Variants in ELK4 observed in about 807,000 individuals in gnomAD.
ELK4 encodes the protein ETS transcription factor ELK4.
In ELK4, 16 loss-of-function variants were observed where a neutral mutation model predicts 29.6. That is an observed-to-expected ratio of 0.54 (90% CI 0.37 to 0.82). The LOEUF is 0.82. ELK4 is among the 40% of genes least tolerant of loss of function. ELK4 has a pLI of 0.00. For synonymous variants in ELK4, 213 were observed against 191.1 expected (o/e 1.11, Z -0.95); for missense variants, 465 against 507.1 (o/e 0.92, Z 0.80).
rs182565072 is a variant in ELK4 at position 205,610,363 on chromosome 1, C to A, written c.*6183G>T. The A allele has an allele frequency of 1.0e-3, 237 of 231,198 alleles. 1 individual carries two copies. In the South Asian group the frequency reaches 0.031, roughly 30 times the overall value. The allele number at this position is 231,198 out of a possible 1,614,324, so 14.3% of individuals were successfully genotyped here. On this transcript the variant is annotated 3_prime_UTR_variant, in exon 5 of 5. Transcript: ENST00000357992. ...TACAGTTTAAAAGGATAAATTAGGC[C>A]ACAATACCAGCATTCCTCCACTACT...
At chr1:205,619,435 TAC>T in intron 3 of ELK4, 1 of 1,062,928 alleles carries the variant, frequency 9.4e-7, no homozygotes, top group Non-Finnish European at 1.1e-6. Flanking sequence ...TGAATTCAGG[TAC>T]AGAGGAATAA....
chr1:205,618,630 T>G (rs574292453), intron 4 of ELK4, among the ~76,000 whole-genome samples: 2 of 152,102 alleles, frequency 1.3e-5, no homozygotes, highest in African/African-American at 4.8e-5. Context: ...TGGAGACCAG[T>G]CTGGACAACA....
intron 2 of ELK4, among the ~76,000 whole-genome samples, chr1:205,622,312 G>C (rs75822494): frequency 0.024 from 3,656 of 152,252 alleles, 169 homozygotes; most frequent in African/African-American, 0.083. Context: ...AAGGTATAAG[G>C]TTTTAATTTG....
Position 205,631,724 on chromosome 1 carries a change from A to G in ELK4, c.-102T>C. 1 of 321,374 alleles carries G rather than the reference A, an allele frequency of 3.1e-6. No homozygotes were observed. The highest frequency in any genetic ancestry group is 6.5e-6 in the Non-Finnish European group (1 of 153,866). The allele number at this position is 321,374 out of a possible 1,614,324, so 19.9% of individuals were successfully genotyped here. A position where few individuals can be genotyped will look rare whatever the true frequency, so the allele number is the denominator to read the frequency against. The stretch of plus-strand genomic sequence containing the variant: ...TCCTCCTCACGCTGGAAACTCGAGG[A>G]CGGCGCGGCAGCCGCTGCGACCCCC... On this transcript the variant is annotated 5_prime_UTR_variant, in exon 1 of 5. Transcript: ENST00000357992.
Position 205,620,622 on chromosome 1 carries a change from T to C in ELK4, c.424A>G (p.Ile142Val), listed in dbSNP as rs768486073. Residue 142 changes from isoleucine (I) to valine (V), a missense_variant, in exon 3 of 5, where the codon ATA (isoleucine) becomes GTA (valine). Physicochemically the swap from Ile to Val is conservative, Grantham distance 29. This residue lies in a region of ELK4 where 385 missense variants were observed against 387.5 expected (regional missense o/e 0.99). Transcript: ENST00000357992. Reference sequence around the variant, plus strand: ...AATGAAGAATATAAGCCAGAGTGTATGTAGTCATTGCGGCTAGAGGTCTTG... The same window carrying C: ...AATGAAGAATATAAGCCAGAGTGTACGTAGTCATTGCGGCTAGAGGTCTTG... ...GAKTSSRNDY[I>V]HSGLYSSFTL... 10 of 1,614,030 alleles carry C rather than the reference T, an allele frequency of 6.2e-6. No homozygotes were observed. The highest frequency in any genetic ancestry group is 3.4e-6 in the Non-Finnish European group (4 of 1,180,032).
intron 3 of ELK4, chr1:205,619,627 T>C: frequency 7.6e-7 from 1 of 1,319,124 alleles, no homozygotes; most frequent in Non-Finnish European, 9.6e-7. Flanking sequence ...GTTTTCTAAC[T>C]TGAGATTATC....
rs193083840 is a variant in ELK4, at chr1:205,622,560, T to C, written c.207+1116A>G. ...GGTGTACACCACCGCGCCACACTGT[T>C]TTTTGTAGAGACGGGGTCTCCCTGT... On this transcript the variant is annotated intron_variant, in intron 2 of 4. Transcript: ENST00000357992. 1.4e-4 allele frequency among the ~76,000 whole-genome samples: 22 copies of C among 152,144 alleles called. 1 individual carries two copies. Among genetic ancestry groups the C allele is most frequent in the African/African-American group, 4.6e-4 (19 of 41,512 alleles).
intron 4 of ELK4, among the ~76,000 whole-genome samples, chr1:205,618,416 G>A (rs1670272338): frequency 6.6e-6 from 1 of 151,894 alleles, no homozygotes; most frequent in African/African-American, 2.4e-5. Context: ...AACAATTCTT[G>A]GTCTAACTCA....
At position 205,620,622 on chromosome 1, in the gene ELK4, T is replaced by A. The variant is rs768486073; in HGVS notation, c.424A>T (p.Ile142Leu). 6.2e-7 allele frequency: 1 copy of A among 1,614,148 alleles called. No homozygotes were observed. Among genetic ancestry groups the A allele is most frequent in the Non-Finnish European group, 8.5e-7 (1 of 1,180,024 alleles). ...GAKTSSRNDY[I>L]HSGLYSSFTL... Reference sequence around the variant, plus strand: ...AATGAAGAATATAAGCCAGAGTGTATGTAGTCATTGCGGCTAGAGGTCTTG... The same window carrying A: ...AATGAAGAATATAAGCCAGAGTGTAAGTAGTCATTGCGGCTAGAGGTCTTG... Residue 142 changes from isoleucine (I) to leucine (L), a missense_variant, in exon 3 of 5, where the codon ATA becomes TTA. Ile to Leu is a conservative substitution (Grantham distance 5). Transcript: ENST00000357992.
chr1:205,618,346 T>A lies in ELK4; in HGVS notation c.1197+611A>T, dbSNP rs562801382. 4.7e-3 allele frequency among the ~76,000 whole-genome samples: 717 copies of A among 152,104 alleles called. 9 individuals carry two copies. The highest frequency in any genetic ancestry group is 0.016 in the African/African-American group (678 of 41,488). ...CACTGCCTGGCCCATTTTTTTTTTT[T>A]AAATAGAGAATTTCTAGTGACAAAA... On this transcript the variant is annotated intron_variant, in intron 4 of 4. Transcript: ENST00000357992.
Position 205,610,398 on chromosome 1 carries a change from C to A in ELK4, c.*6148G>T, listed in dbSNP as rs1041728872. 4 of 230,822 alleles carry A rather than the reference C, an allele frequency of 1.7e-5. No individual in the cohort carries two copies. Among genetic ancestry groups the A allele is most frequent in the Non-Finnish European group, 2.6e-5 (3 of 116,644 alleles). 14.3% of individuals were successfully genotyped at this position (230,822 alleles called of 1,614,324 possible). On this transcript the variant is annotated 3_prime_UTR_variant, in exon 5 of 5. Coordinates refer to ENST00000357992, the MANE Select transcript of ELK4 (RefSeq NM_001973.4). ...GCATTCCTCCACTACTGTATTCAAT[C>A]CATGGTCGAATCTCTGTACTTTAGA...
At chr1:205,625,354 C>A in intron 1 of ELK4, 1 of 371,296 alleles carries the variant, frequency 2.7e-6, no homozygotes, top group Non-Finnish European at 5.1e-6. Context: ...TACAAATAGC[C>A]AATAAACACA....
At chr1:205,624,416 G>T (rs972395900) in intron 1 of ELK4, among the ~76,000 whole-genome samples, 1 of 152,118 alleles carries the variant, frequency 6.6e-6, no homozygotes, top group East Asian at 1.9e-4. Context: ...AGGGACTGAG[G>T]TGTAGGGAAT....
chr1:205,620,799 T>C lies in ELK4; in HGVS notation c.247A>G (p.Lys83Glu), dbSNP rs1403815176. ...AAAATCTCTGGATAAGAGACAAACTTGTACACAAACTTCTGACCATTCACT... is the reference window on the plus strand; with the variant it reads ...AAAATCTCTGGATAAGAGACAAACTCGTACACAAACTTCTGACCATTCACT... The part of the protein sequence containing the change: ...KKVNGQKFVY[K>E]FVSYPEILNM... The change falls in exon 3 of 5, where the codon AAG (lysine) becomes GAG (glutamate). Residue 83 changes from lysine to glutamate, a missense_variant. Coordinates refer to ENST00000357992, the MANE Select transcript of ELK4 (RefSeq NM_001973.4). 1 of 1,613,352 alleles carries C rather than the reference T, an allele frequency of 6.2e-7. No individual in the cohort carries two copies. The highest frequency in any genetic ancestry group is 8.5e-7 in the Non-Finnish European group (1 of 1,179,936).
In ELK4 at chr1:205,616,927, T is replaced by C. The variant is rs201784284; in HGVS notation, c.1198-283A>G. ...CTTCATATCCTAAGGTACACAGGTT[T>C]ACAATTAACCTCAAATGAAGGTTTT... On this transcript the variant is annotated intron_variant, in intron 4 of 4. Coordinates refer to ENST00000357992, the MANE Select transcript of ELK4 (RefSeq NM_001973.4). Among the ~76,000 whole-genome samples, 6 of 152,240 alleles carry C rather than the reference T, an allele frequency of 3.9e-5. 1 individual carries two copies. The East Asian group carries it at 9.6e-4, about 24-fold the overall frequency.
At chr1:205,625,400 T>G (rs1670433099) in intron 1 of ELK4, 2 of 510,426 alleles carry the variant, frequency 3.9e-6, no homozygotes, top group African/African-American at 1.9e-5. Context: ...ATCTGCCTAC[T>G]TGTCGCCACT....
chr1:205,620,479 G>A lies in ELK4; in HGVS notation c.567C>T (p.Ile189=). 6.2e-7 allele frequency: 1 copy of A among 1,614,216 alleles called. No homozygotes were observed. Among genetic ancestry groups the A allele is most frequent in the Non-Finnish European group, 8.5e-7 (1 of 1,180,042 alleles). ...TTTTGGAAGGTGTCGTGACAAATTTGATGACAGATGGTGTGGGCTCCTGAG... is the reference window on the plus strand; with the variant it reads ...TTTTGGAAGGTGTCGTGACAAATTTAATGACAGATGGTGTGGGCTCCTGAG... ...KSPQEPTPSV[I]KFVTTPSKKP... The change falls in exon 3 of 5, where the codon ATC becomes ATT. Residue 189 remains isoleucine, a synonymous_variant. Transcript: ENST00000357992.
At chr1:205,619,149 C>T (rs1171517028) in intron 3 of ELK4, 76 bp from the exon 4 acceptor site, 6 of 1,299,018 alleles carry the variant, frequency 4.6e-6, no homozygotes, top group Admixed American at 2.7e-5. Flanking sequence ...ACACAAATAA[C>T]CCAAACCTAA....
Position 205,617,004 on chromosome 1 carries a change from G to T in ELK4, c.1198-360C>A, listed in dbSNP as rs112257725. On this transcript the variant is annotated intron_variant, in intron 4 of 4. Coordinates refer to ENST00000357992, the MANE Select transcript of ELK4 (RefSeq NM_001973.4). ...CACTACAGAGTGTAATTCAATTATGGAGCAAATCATAAACCCTCAAAAAGA... is the reference window on the plus strand; with the variant it reads ...CACTACAGAGTGTAATTCAATTATGTAGCAAATCATAAACCCTCAAAAAGA... Among the ~76,000 whole-genome samples, 415 of 152,222 alleles carry T rather than the reference G, an allele frequency of 2.7e-3. 1 individual carries two copies. The highest frequency in any genetic ancestry group is 9.6e-3 in the African/African-American group (397 of 41,514).
Sources: allele counts gnomAD v4.1 joint callset (sites outside exome capture counted in the v4.1 genomes callset), GRCh38; gene constraint gnomAD v4.1.1; regional missense constraint gnomAD v4.1.1; transcripts MANE v1.5; gene names NCBI Gene and HGNC (gene_info 2026-07-23, HGNC 2026-07-21).